Variants in ZNF280D observed in about 807,000 individuals in gnomAD.
ZNF280D encodes suppressor of hairy wing homolog 4.
A neutral mutation model predicts 94.7 loss-of-function variants in ZNF280D; 39 were observed. The ratio of observed to expected loss-of-function variants is 0.41; its 90% confidence interval spans 0.32 to 0.54. ZNF280D has a LOEUF of 0.54. ZNF280D is among the 20% of genes least tolerant of loss of function. ZNF280D has a pLI of 0.22. For synonymous variants in ZNF280D, 398 were observed against 377.6 expected (o/e 1.05, Z -0.63); for missense variants, 1,090 against 1,149.3 (o/e 0.95, Z 0.75).
In ZNF280D at chr15:56,693,174, T is replaced by G. The variant is rs770956830; in HGVS notation, c.423A>C (p.Ser141=). 1 of 1,603,142 alleles carries G rather than the reference T, an allele frequency of 6.2e-7. No homozygotes were observed. The highest frequency in any genetic ancestry group is 1.1e-5 in the South Asian group (1 of 88,046). Residue 141 remains serine (S), a synonymous_variant, in exon 7 of 22, where the codon TCA becomes TCC. Coordinates refer to ENST00000267807, the MANE Select transcript of ZNF280D (RefSeq NM_017661.4). ...TNSSRVVSNK[S]SELLFDLTQD... ...GGGTCAAGTCAAACAGTAACTCTGA[T>G]GACTTATTAGACACAACTCGTGATG... is the stretch of plus-strand genomic sequence containing the variant.
intron 1 of ZNF280D, among the ~76,000 whole-genome samples, chr15:56,710,108 G>A (rs1436232374): frequency 6.6e-6 from 1 of 152,166 alleles, no homozygotes; most frequent in Non-Finnish European, 1.5e-5. Context: ...GGCTCTTTAA[G>A]ACAGCCCGAA....
At chr15:56,662,830 CAAA>C (rs577795987) in intron 16 of ZNF280D, among the ~76,000 whole-genome samples, 4 of 50,840 alleles carry the variant, frequency 7.9e-5, no homozygotes, top group Non-Finnish European at 8.4e-5. Flanking sequence ...GACTCTGTCT[CAAA>C]AAAAAAAAAA....
chr15:56,733,405 G>C, intron 1 of ZNF280D, 53 bp downstream of exon 1: 10 of 973,034 alleles, frequency 1.0e-5, no homozygotes, highest in Non-Finnish European at 1.2e-5. Context: ...GGCCGCGCGG[G>C]AGGGCCTCTG....
chr15:56,653,095 T>C (rs2053307216), intron 19 of ZNF280D: 1 of 987,814 alleles, frequency 1.0e-6, no homozygotes, highest in Non-Finnish European at 1.2e-6. Context: ...ATTTTATATG[T>C]CAGTAAAAAT....
intron 19 of ZNF280D, among the ~76,000 whole-genome samples, chr15:56,651,218 C>A (rs1311337997): frequency 6.6e-6 from 1 of 152,148 alleles, no homozygotes; most frequent in Non-Finnish European, 1.5e-5. Flanking sequence ...GAATCTGAGC[C>A]TCTGTAGTTT....
At chr15:56,686,913 T>C (rs540705411) in intron 9 of ZNF280D, among the ~76,000 whole-genome samples, 1 of 152,138 alleles carries the variant, frequency 6.6e-6, no homozygotes, top group African/African-American at 2.4e-5. Context: ...TAGTCTCAGA[T>C]AAGTATATTT....
chr15:56,717,354 T>A (rs553123710), intron 1 of ZNF280D, among the ~76,000 whole-genome samples: 5 of 152,152 alleles, frequency 3.3e-5, no homozygotes, highest in Non-Finnish European at 7.4e-5. Context: ...AACCTGAGAC[T>A]ATAGGGTGGG....
At chr15:56,689,576 A>G in intron 7 of ZNF280D, 106 bp from the exon 8 acceptor site, 1 of 709,380 alleles carries the variant, frequency 1.4e-6, no homozygotes, top group Non-Finnish European at 2.1e-6. Context: ...TAATTGAATT[A>G]TCATATCATG....
chr15:56,649,590 G>A (rs1397072194), intron 19 of ZNF280D, among the ~76,000 whole-genome samples: 2 of 151,568 alleles, frequency 1.3e-5, no homozygotes, highest in African/African-American at 4.8e-5. Context: ...AGCCCAAAAT[G>A]AACTCAATAG....
At chr15:56,700,636 AT>A (rs2057006345) in intron 6 of ZNF280D, 1 of 1,295,178 alleles carries the variant, frequency 7.7e-7, no homozygotes, top group Non-Finnish European at 9.8e-7. Flanking sequence ...AATATTTGTC[AT>A]TATGCAATAT....
intron 2 of ZNF280D, 23 bp from the exon 3 acceptor site, chr15:56,707,173 T>G: frequency 6.2e-7 from 1 of 1,612,050 alleles, no homozygotes; most frequent in Non-Finnish European, 8.5e-7. Flanking sequence ...ATCAGTCAAT[T>G]TAATGAGTCA....
chr15:56,682,492 A>G lies in ZNF280D; in HGVS notation c.781-15T>C, dbSNP rs748218805. ...GGACAACAATACTGAAAGAGAAAAA[A>G]AAAAAAAAAAAACAAGCCTTACTTA... On this transcript the variant is annotated splice_polypyrimidine_tract_variant and intron_variant, in intron 9 of 21. Coordinates refer to ENST00000267807, the MANE Select transcript of ZNF280D (RefSeq NM_017661.4). 1.4e-6 allele frequency: 2 copies of G among 1,451,994 alleles called. No individual in the cohort carries two copies. The highest frequency in any genetic ancestry group is 1.3e-5 in the South Asian group (1 of 75,816). 89.9% of individuals were successfully genotyped at this position (1,451,994 alleles called of 1,614,324 possible). A position where few individuals can be genotyped will look rare whatever the true frequency, so the allele number is the denominator to read the frequency against.
intron 6 of ZNF280D, 164 bp downstream of exon 6, chr15:56,700,769 T>A: frequency 1.3e-6 from 2 of 1,514,316 alleles, no homozygotes; most frequent in Non-Finnish European, 1.8e-6. Context: ...TTACTTGGGG[T>A]ACTGCTTGAG....
At chr15:56,683,976 TA>T (rs1371246307) in intron 9 of ZNF280D, among the ~76,000 whole-genome samples, 8 of 152,108 alleles carry the variant, frequency 5.3e-5, no homozygotes, top group African/African-American at 1.4e-4. Flanking sequence ...ATACACATCT[TA>T]AAGGTGAAAC....
chr15:56,713,684 CAAGCACTTCCAACTATCTCAATA>C (rs1231823917), intron 1 of ZNF280D, among the ~76,000 whole-genome samples: 24 of 152,154 alleles, frequency 1.6e-4, no homozygotes, highest in Non-Finnish European at 1.3e-4. Flanking sequence ...TGTGATCCCT[CAAGCACTTCCAACTATCTCAATA>C]AAGTATTCAA....
At chr15:56,688,944 A>G (rs1276246557) in intron 9 of ZNF280D, 97 bp downstream of exon 9, 8 of 654,472 alleles carry the variant, frequency 1.2e-5, no homozygotes, top group African/African-American at 1.1e-4. Flanking sequence ...GGAAATACCA[A>G]TGAGATTATT....
chr15:56,703,831 C>A (rs756288011), intron 4 of ZNF280D, among the ~76,000 whole-genome samples: 2 of 151,356 alleles, frequency 1.3e-5, no homozygotes, highest in Middle Eastern at 3.4e-3. Context: ...TCCAGACTAG[C>A]GACAGAGTGA....
At chr15:56,642,684 T>G (rs1226411994) in intron 20 of ZNF280D, among the ~76,000 whole-genome samples, 2 of 151,784 alleles carry the variant, frequency 1.3e-5, no homozygotes, top group Admixed American at 1.3e-4. Context: ...AATTCATAAA[T>G]TTATCTCCAT....
intron 6 of ZNF280D, among the ~76,000 whole-genome samples, chr15:56,694,444 G>A (rs1011612609): frequency 9.2e-5 from 14 of 151,432 alleles, no homozygotes; most frequent in East Asian, 1.9e-4. Context: ...CATAACAAGC[G>A]GATTAACAAT....
Sources: allele counts gnomAD v4.1 joint callset (sites outside exome capture counted in the v4.1 genomes callset), GRCh38; gene constraint gnomAD v4.1.1; transcripts MANE v1.5; gene names NCBI Gene and HGNC (gene_info 2026-07-23, HGNC 2026-07-21).